The following RAB2A variants were observed in gnomAD, a reference collection of about 807,000 sequenced individuals.
RAB2A encodes the protein ras-related protein Rab-2A.
In RAB2A, 7 loss-of-function variants were observed where a neutral mutation model predicts 32.5. That is an observed-to-expected ratio of 0.22 (90% confidence interval 0.12 to 0.40). The LOEUF (loss-of-function observed/expected upper bound fraction) is 0.40, where lower values mean the gene tolerates loss of function less well. Among genes scored for constraint, RAB2A ranks in the 10% least tolerant of loss-of-function variants. The probability of loss-of-function intolerance (pLI) is 1.00; values close to 1 mark genes in which losing one functional copy is unlikely to be tolerated. For synonymous variants in RAB2A, 79 were observed against 85.2 expected, an observed-to-expected ratio of 0.93 and a Z score of 0.40; for missense variants, 108 against 260.7, an observed-to-expected ratio of 0.41 and a Z score of 4.03.
intron 6 of RAB2A, among the ~76,000 whole-genome samples, chr8:60,599,577 T>C (rs1804095389): frequency 1.3e-5 from 2 of 152,172 alleles, no homozygotes; most frequent in Non-Finnish European, 2.9e-5. Flanking sequence ...GGTAAAGGGA[T>C]AGACACATAG....
chr8:60,597,167 C>T (rs182684636), intron 6 of RAB2A, among the ~76,000 whole-genome samples: 11 of 152,160 alleles, frequency 7.2e-5, no homozygotes, highest in African/African-American at 2.2e-4. Flanking sequence ...GCACTGTTCA[C>T]AATAGCAAAG....
intron 2 of RAB2A, among the ~76,000 whole-genome samples, chr8:60,570,213 T>C (rs1563473263): frequency 6.6e-6 from 1 of 152,168 alleles, no homozygotes; most frequent in Non-Finnish European, 1.5e-5. Context: ...TTTTGTTAAA[T>C]TTGACGTTAT....
intron 6 of RAB2A, among the ~76,000 whole-genome samples, chr8:60,610,150 G>C (rs558632129): frequency 8.6e-5 from 13 of 152,024 alleles, no homozygotes; most frequent in African/African-American, 2.7e-4. Context: ...TGCTGCTGAA[G>C]TATTTATGCT....
At chr8:60,530,999 C>T (rs1425601862) in intron 1 of RAB2A, among the ~76,000 whole-genome samples, 1 of 152,226 alleles carries the variant, frequency 6.6e-6, no homozygotes, top group Non-Finnish European at 1.5e-5. Flanking sequence ...GTTTCTAAAA[C>T]AGGTATAGTA....
chr8:60,517,502 C>T (rs1055283622), intron 1 of RAB2A, among the ~76,000 whole-genome samples: 1 of 152,192 alleles, frequency 6.6e-6, no homozygotes, highest in Non-Finnish European at 1.5e-5. Context: ...CCGTTTGCGA[C>T]GCCCGATTCA....
In RAB2A at chr8:60,622,501, G is replaced by C. The variant is rs1464054620; in HGVS notation, c.*1732G>C. ...TCAAGTGGCTGTATCAAATTCACTGGTCTTACTAATCACTGTCTTTACCAG... is the reference window on the plus strand; with the variant it reads ...TCAAGTGGCTGTATCAAATTCACTGCTCTTACTAATCACTGTCTTTACCAG... On this transcript the variant is annotated 3_prime_UTR_variant, in exon 8 of 8. Transcript: ENST00000262646. The C allele has an allele frequency of 6.6e-6, 1 of 152,138 alleles. No homozygotes were observed. The highest frequency in any genetic ancestry group is 2.4e-5 in the African/African-American group (1 of 41,412). 9.4% of individuals were successfully genotyped at this position (152,138 alleles called of 1,614,324 possible). A position where few individuals can be genotyped will look rare whatever the true frequency, so the allele number is the denominator to read the frequency against.
At chr8:60,528,289 A>T (rs1372282161) in intron 1 of RAB2A, among the ~76,000 whole-genome samples, 1 of 152,254 alleles carries the variant, frequency 6.6e-6, no homozygotes, top group Non-Finnish European at 1.5e-5. Context: ...CGTTATCTAT[A>T]AAATGGGAAT....
intron 1 of RAB2A, among the ~76,000 whole-genome samples, chr8:60,538,290 C>T (rs1328468271): frequency 1.3e-5 from 2 of 152,104 alleles, no homozygotes; most frequent in Non-Finnish European, 2.9e-5. Context: ...ATTCAAATAC[C>T]CTCAACTTTA....
intron 1 of RAB2A, among the ~76,000 whole-genome samples, chr8:60,538,478 G>A (rs972353701): frequency 5.3e-5 from 8 of 152,176 alleles, no homozygotes; most frequent in African/African-American, 1.9e-4. Flanking sequence ...GAGGTAGAAA[G>A]AACTCTGAAG....
chr8:60,580,000 CT>C (rs10714421), intron 3 of RAB2A, among the ~76,000 whole-genome samples: 51,396 of 133,468 alleles, frequency 0.39, 9,014 homozygotes, highest in Middle Eastern at 0.55. Flanking sequence ...ATTAAAGCAC[CT>C]TTTTTTTTTT....
rs577488139 is a variant in RAB2A, at chr8:60,588,475, A to G, written c.363-3383A>G. ...ATGAATCGAAAAATAGTGATACAGCATTACAACAGACTACAACTCAGCTAT... is the reference window on the plus strand; with the variant it reads ...ATGAATCGAAAAATAGTGATACAGCGTTACAACAGACTACAACTCAGCTAT... On this transcript the variant is annotated intron_variant, in intron 5 of 7. Coordinates refer to ENST00000262646, the MANE Select transcript of RAB2A (RefSeq NM_002865.3). Among the ~76,000 whole-genome samples the G allele has an allele frequency of 7.9e-5, 12 of 152,356 alleles. No individual in the cohort carries two copies. The South Asian group carries it at 2.1e-3, about 26-fold the overall frequency.
chr8:60,593,447 G>A (rs889869347), intron 6 of RAB2A, among the ~76,000 whole-genome samples: 1 of 152,158 alleles, frequency 6.6e-6, no homozygotes, highest in African/African-American at 2.4e-5. Flanking sequence ...CAGGAAATAG[G>A]CAGGTCAGAA....
chr8:60,517,147 G>A lies in RAB2A; in HGVS notation c.-61G>A. 6.9e-7 allele frequency: 1 copy of A among 1,452,524 alleles called. No homozygotes were observed. The highest frequency in any genetic ancestry group is 2.6e-5 in the Admixed American group (1 of 38,632). The allele number at this position is 1,452,524 out of a possible 1,614,324, so 90.0% of individuals were successfully genotyped here. ...GGCTGAGCGGCACCGGGGTTGGGGCGCGGAGGAGGAGCAGCAGCGGGAGGA... is the reference window on the plus strand; with the variant it reads ...GGCTGAGCGGCACCGGGGTTGGGGCACGGAGGAGGAGCAGCAGCGGGAGGA... On this transcript the variant is annotated 5_prime_UTR_variant, in exon 1 of 8. Coordinates refer to ENST00000262646, the MANE Select transcript of RAB2A (RefSeq NM_002865.3).
intron 1 of RAB2A, 126 bp downstream of exon 1, chr8:60,517,379 C>G: frequency 2.1e-6 from 2 of 931,772 alleles, no homozygotes; most frequent in Non-Finnish European, 3.0e-6. Flanking sequence ...CCGCGCCGCT[C>G]CATTTCCGCA....
intron 6 of RAB2A, among the ~76,000 whole-genome samples, chr8:60,605,840 C>CAT (rs1003742324): frequency 6.6e-5 from 9 of 136,770 alleles, no homozygotes; most frequent in Admixed American, 2.1e-4. Flanking sequence ...TACATATATA[C>CAT]ATATATATAT....
At chr8:60,572,941 C>CA (rs1461446294) in intron 3 of RAB2A, among the ~76,000 whole-genome samples, 3 of 152,124 alleles carry the variant, frequency 2.0e-5, no homozygotes, top group African/African-American at 7.2e-5. Context: ...TTTTCCAAAA[C>CA]AAACAACTAC....
At chr8:60,529,087 T>G (rs886822156) in intron 1 of RAB2A, among the ~76,000 whole-genome samples, 2 of 152,136 alleles carry the variant, frequency 1.3e-5, no homozygotes, top group Admixed American at 1.3e-4. Flanking sequence ...TAAGCATGTT[T>G]CTTTTTTTTT....
intron 6 of RAB2A, among the ~76,000 whole-genome samples, chr8:60,617,054 T>C (rs1159276021): frequency 6.6e-6 from 1 of 152,228 alleles, no homozygotes; most frequent in Non-Finnish European, 1.5e-5. Flanking sequence ...CTTTCTTTTA[T>C]GAATTTTTAT....
Position 60,619,496 on chromosome 8 carries a change from A to G in RAB2A, c.543+848A>G, listed in dbSNP as rs566686863. ...ATCCTATACATAAATGAGGCTCTCT[A>G]TTACTTCAGTAGTCTCTGCTCAGAC... On this transcript the variant is annotated intron_variant, in intron 7 of 7. Coordinates refer to ENST00000262646, the MANE Select transcript of RAB2A (RefSeq NM_002865.3). 2.5e-4 allele frequency among the ~76,000 whole-genome samples: 38 copies of G among 152,278 alleles called. 1 individual carries two copies. The South Asian group carries it at 7.1e-3, about 28-fold the overall frequency.
Sources: allele counts gnomAD v4.1 joint callset (sites outside exome capture counted in the v4.1 genomes callset), GRCh38; gene constraint gnomAD v4.1.1; transcripts MANE v1.5; gene names NCBI Gene and HGNC (gene_info 2026-07-23, HGNC 2026-07-21).